The following CC2D2B variants were observed in gnomAD, a reference collection of about 807,000 sequenced individuals.
CC2D2B encodes the protein coiled-coil and C2 domain containing 2B.
Under a neutral mutation model 161.2 loss-of-function variants are expected in CC2D2B, and 128 were observed. The observed-to-expected ratio is 0.79, with a 90% CI of 0.69 to 0.92. The LOEUF (loss-of-function observed/expected upper bound fraction) is 0.92. CC2D2B is among the 40% of genes least tolerant of loss of function. The probability of loss-of-function intolerance (pLI) is 0.00; values close to 1 mark genes in which losing one functional copy is unlikely to be tolerated. For synonymous variants in CC2D2B, 391 were observed against 449.8 expected, an observed-to-expected ratio of 0.87 and a Z score of 1.65; for missense variants, 1,173 against 1,375.1, an observed-to-expected ratio of 0.85 and a Z score of 2.32.
chr10:95,997,733 A>C lies in CC2D2B; in HGVS notation c.2849+1481A>C, dbSNP rs540805364. Among the ~76,000 whole-genome samples the C allele has an allele frequency of 1.2e-4, 18 of 152,296 alleles. 1 individual carries two copies. The South Asian group carries it at 3.7e-3, about 32-fold the overall frequency. On this transcript the variant is annotated intron_variant, in intron 24 of 34. Transcript: ENST00000646931. ...GGTAAGCCCACTTCTGTAGTTTCTA[A>C]TTCAGTAGGTCTGGGGTAGGGTCTG...
At position 95,983,605 on chromosome 10, in the gene CC2D2B, G is replaced by T; in HGVS notation, c.2083-1G>T. On this transcript the variant is annotated splice_acceptor_variant, in intron 18 of 34. Transcript: ENST00000646931. LOFTEE classifies it high-confidence loss of function. ...TTAACTAAAGACTTTGCGTTTTACAGTACATGAGACTTAAGGGGCAGGATA... is the reference window on the plus strand; with the variant it reads ...TTAACTAAAGACTTTGCGTTTTACATTACATGAGACTTAAGGGGCAGGATA... The T allele has an allele frequency of 8.2e-7, 1 of 1,224,516 alleles. No individual in the cohort carries two copies. The highest frequency in any genetic ancestry group is 4.1e-5 in the South Asian group (1 of 24,178). 75.9% of individuals were successfully genotyped at this position (1,224,516 alleles called of 1,614,324 possible). A position where few individuals can be genotyped will look rare whatever the true frequency, so the allele number is the denominator to read the frequency against.
intron 9 of CC2D2B, 79 bp downstream of exon 9, chr10:95,939,004 A>G: frequency 1.7e-6 from 1 of 593,190 alleles, no homozygotes; most frequent in Non-Finnish European, 3.0e-6. Flanking sequence ...TGTGGTGTTG[A>G]TTTATCCTTT....
chr10:95,921,891 C>A, intron 2 of CC2D2B, 125 bp from the exon 3 acceptor site: 1 of 528,632 alleles, frequency 1.9e-6, no homozygotes, highest in South Asian at 2.7e-5. Flanking sequence ...CACATGTATA[C>A]CTATGTAACA....
At chr10:95,963,859 GT>G (rs1213197485) in intron 12 of CC2D2B, among the ~76,000 whole-genome samples, 2 of 152,180 alleles carry the variant, frequency 1.3e-5, no homozygotes, top group African/African-American at 4.8e-5. Flanking sequence ...GTAACAGGAA[GT>G]TGAGGAGATA....
chr10:95,999,660 T>C (rs1015198560), intron 24 of CC2D2B: 2 of 177,400 alleles, frequency 1.1e-5, no homozygotes, highest in Admixed American at 1.2e-4. Context: ...TAGGACACAA[T>C]TAAAATTTGC....
chr10:96,019,180 T>G, intron 30 of CC2D2B, 23 bp from the exon 31 acceptor site: 1 of 1,546,440 alleles, frequency 6.5e-7, no homozygotes, highest in South Asian at 1.2e-5. Context: ...CCACCAAAAA[T>G]TACTTTCTTT....
Position 96,029,287 on chromosome 10 carries a change from T to C in CC2D2B, c.4125+1898T>C, listed in dbSNP as rs1363000781. On this transcript the variant is annotated intron_variant, in intron 34 of 34. Transcript: ENST00000646931. ...ATATATATATATATATATATATATG[T>C]ATATATATATATATATATGTATATC... Among the ~76,000 whole-genome samples, 176 of 30,922 alleles carry C rather than the reference T, an allele frequency of 5.7e-3. 1 individual carries two copies. The highest frequency in any genetic ancestry group is 9.1e-3 in the Non-Finnish European group (124 of 13,596). The allele number at this position is 30,922 out of a possible 152,430, so 20.3% of individuals were successfully genotyped here. A position where few individuals can be genotyped will look rare whatever the true frequency, so the allele number is the denominator to read the frequency against.
chr10:95,914,709 C>A (rs542807326), intron 2 of CC2D2B, among the ~76,000 whole-genome samples: 1 of 152,296 alleles, frequency 6.6e-6, no homozygotes, highest in South Asian at 2.1e-4. Context: ...TTGCCTTCTG[C>A]CATGATTGCA....
chr10:95,956,326 T>C (rs370105108), intron 11 of CC2D2B, among the ~76,000 whole-genome samples: 6 of 152,050 alleles, frequency 3.9e-5, no homozygotes, highest in African/African-American at 9.7e-5. Flanking sequence ...GTAGAAATAA[T>C]AGAAGGCTCA....
intron 2 of CC2D2B, 58 bp from the exon 3 acceptor site, chr10:95,921,958 A>T (rs2098528307): frequency 1.1e-6 from 1 of 924,420 alleles, no homozygotes; most frequent in South Asian, 1.6e-5. Flanking sequence ...TAATAATAAT[A>T]AAAGATGTTC....
intron 6 of CC2D2B, among the ~76,000 whole-genome samples, chr10:95,929,561 T>C (rs911206318): frequency 2.0e-5 from 3 of 152,174 alleles, no homozygotes; most frequent in African/African-American, 7.2e-5. Flanking sequence ...CCATCTCGAG[T>C]TAATTTTTGT....
intron 9 of CC2D2B, among the ~76,000 whole-genome samples, chr10:95,945,356 C>T (rs910462791): frequency 1.3e-5 from 2 of 152,110 alleles, no homozygotes; most frequent in Non-Finnish European, 2.9e-5. Context: ...CGGTCTCTCA[C>T]CAGAATAAAT....
intron 23 of CC2D2B, 46 bp downstream of exon 23, chr10:95,995,411 T>A: frequency 1.0e-6 from 1 of 970,622 alleles, no homozygotes; most frequent in Non-Finnish European, 1.5e-6. Context: ...ATTATGTTTG[T>A]TCTGAATTAC....
At chr10:96,021,302 G>T (rs1480873118) in intron 32 of CC2D2B, 1 of 152,214 alleles carries the variant, frequency 6.6e-6, no homozygotes, top group Non-Finnish European at 1.5e-5. Flanking sequence ...ATTCATTAGA[G>T]AATTGCTTGA....
Position 96,019,831 on chromosome 10 carries a change from C to CAT in CC2D2B, c.3888+10_3888+11dup. ...AAAAATACAAAGCATACAGGTAAAT[C>CAT]ATATTTTCCCAGGGGTGTCTGTATG... On this transcript the variant is annotated splice_region_variant and intron_variant, in intron 32 of 34. Transcript: ENST00000646931. 1 of 1,598,150 alleles carries CAT rather than the reference C, an allele frequency of 6.3e-7. No individual in the cohort carries two copies. The highest frequency in any genetic ancestry group is 8.5e-7 in the Non-Finnish European group (1 of 1,175,456).
chr10:96,000,465 A>T (rs1253703164), intron 24 of CC2D2B, among the ~76,000 whole-genome samples: 1 of 151,798 alleles, frequency 6.6e-6, no homozygotes, highest in South Asian at 2.1e-4. Flanking sequence ...CCAGGTTCGA[A>T]CCATTCTCCT....
At position 95,975,932 on chromosome 10, in the gene CC2D2B, A is replaced by G. The variant is rs370897259; in HGVS notation, c.1943+1776A>G. On this transcript the variant is annotated intron_variant, in intron 17 of 34. Coordinates refer to ENST00000646931, the MANE Select transcript of CC2D2B (RefSeq NM_001349008.3). ...CTCTAGCATAGTCTCCACAGCAGCT[A>G]TTCCTAATCTTTGCCTCATCATAAT... 6.4e-4 allele frequency among the ~76,000 whole-genome samples: 98 copies of G among 152,312 alleles called. 3 individuals carry two copies. In the East Asian group the frequency reaches 0.013, roughly 20 times the overall value.
chr10:95,961,637 A>G (rs1038132587), intron 11 of CC2D2B, 192 bp from the exon 12 acceptor site: 3 of 374,260 alleles, frequency 8.0e-6, no homozygotes, highest in East Asian at 7.7e-5. Context: ...GTCATAAAGG[A>G]ACAAATTTCT....
rs2098541112 is a variant in CC2D2B at position 95,927,280 on chromosome 10, T to A, written c.284T>A (p.Phe95Tyr). 1 of 1,551,824 alleles carries A rather than the reference T, an allele frequency of 6.4e-7. No individual in the cohort carries two copies. Among genetic ancestry groups the A allele is most frequent in the South Asian group, 1.2e-5 (1 of 84,000 alleles). The part of the protein sequence containing the change: ...TEVSLDESLS[F>Y]FILSGEEGSA... ...GTCTCATTGGATGAAAGTCTTTCAT[T>A]TTTCATTCTGAGTGGTGAAGAAGGT... is the stretch of plus-strand genomic sequence containing the variant. Residue 95 changes from phenylalanine (F) to tyrosine (Y), a missense_variant, in exon 6 of 35, where the codon TTT becomes TAT. Phe to Tyr is a conservative substitution (Grantham distance 22, BLOSUM62 3). This residue lies in a region of CC2D2B where 298 missense variants were observed against 261.2 expected (regional missense o/e 1.14). Coordinates refer to ENST00000646931, the MANE Select transcript of CC2D2B (RefSeq NM_001349008.3).
Sources: allele counts gnomAD v4.1 joint callset (sites outside exome capture counted in the v4.1 genomes callset), GRCh38; gene constraint gnomAD v4.1.1; regional missense constraint gnomAD v4.1.1; transcripts MANE v1.5; gene names NCBI Gene and HGNC (gene_info 2026-07-23, HGNC 2026-07-21).